The following DIP2C variants were observed in gnomAD, a reference collection of about 807,000 sequenced individuals.
DIP2C encodes the protein DIP2 acetate--CoA ligase C (putative).
A neutral mutation model predicts 192.4 loss-of-function variants in DIP2C; 33 were observed. That is an observed-to-expected ratio of 0.17 (90% CI 0.13 to 0.23). DIP2C has a LOEUF of 0.23. DIP2C is among the 10% of genes least tolerant of loss of function. The probability of loss-of-function intolerance (pLI) is 1.00; values close to 1 mark genes in which losing one functional copy is unlikely to be tolerated. For missense variants in DIP2C, 1,537 were observed against 2,110.1 expected (o/e 0.73, Z 5.32); for synonymous variants, 979 against 864.1 (o/e 1.13, Z -2.33).
chr10:361,815 C>T lies in DIP2C; in HGVS notation c.2794+675G>A, dbSNP rs566944404. On this transcript the variant is annotated intron_variant, in intron 22 of 36. Coordinates refer to ENST00000280886, the MANE Select transcript of DIP2C (RefSeq NM_014974.3). ...CCCTTTCAGAGCACTCCCTGAGGGA[C>T]GATGCCCATGGCTTGAGCGGCTCCC... Among the ~76,000 whole-genome samples, 4 of 152,298 alleles carry T rather than the reference C, an allele frequency of 2.6e-5. No homozygotes were observed. The East Asian group carries it at 7.7e-4, about 29-fold the overall frequency.
At chr10:399,267 T>C in intron 9 of DIP2C, 48 bp from the exon 10 acceptor site, 2 of 1,491,490 alleles carry the variant, frequency 1.3e-6, no homozygotes, top group East Asian at 4.5e-5. Context: ...GGTCCTGGCT[T>C]CCTAAGACGC....
intron 1 of DIP2C, among the ~76,000 whole-genome samples, chr10:600,033 A>G (rs1434019649): frequency 6.6e-6 from 1 of 152,140 alleles, no homozygotes; most frequent in African/African-American, 2.4e-5. Context: ...AGCGGCAAGG[A>G]GGTCTGCACT....
At chr10:379,394 TGACA>T (rs1465028932) in intron 17 of DIP2C, among the ~76,000 whole-genome samples, 3 of 152,198 alleles carry the variant, frequency 2.0e-5, no homozygotes, top group Admixed American at 6.5e-5. Context: ...CTGTTTTGCA[TGACA>T]GACATTCTAT....
rs2130939678 is a variant in DIP2C at position 549,738 on chromosome 10, C to T, written c.86-63208G>A. Among the ~76,000 whole-genome samples the T allele has an allele frequency of 3.9e-5, 6 of 152,296 alleles. 1 individual carries two copies. The South Asian group carries it at 1.2e-3, about 32-fold the overall frequency. On this transcript the variant is annotated intron_variant, in intron 1 of 36. Coordinates refer to ENST00000280886, the MANE Select transcript of DIP2C (RefSeq NM_014974.3). ...CACTTTTCACTCCCTACTCCCGATT[C>T]TTGCCCTGAAAGCTCGCAGCAAGTC...
chr10:666,054 C>T lies in DIP2C; in HGVS notation c.85+23440G>A, dbSNP rs900827031. 4.6e-5 allele frequency: 7 copies of T among 152,318 alleles called. 1 individual carries two copies. The highest frequency in any genetic ancestry group is 4.6e-4 in the Admixed American group (7 of 15,298). 9.4% of individuals were successfully genotyped at this position (152,318 alleles called of 1,614,324 possible). ...GCAGCACCCTGGAAAGGCCCAGGTC[C>T]CGCAGCTCTCCCTCCACGCGTGGCT... On this transcript the variant is annotated intron_variant, in intron 1 of 36. Transcript: ENST00000280886. The surrounding 1 kb of genome is among the most constrained non-coding windows in gnomAD (Gnocchi z 4.1).
intron 2 of DIP2C, 99 bp downstream of exon 2, chr10:486,360 C>A (rs1412648852): frequency 8.3e-7 from 1 of 1,204,722 alleles, no homozygotes; most frequent in Non-Finnish European, 1.1e-6. Flanking sequence ...CTCCTCCTGC[C>A]GACTGGGAAG....
intron 3 of DIP2C, among the ~76,000 whole-genome samples, chr10:457,010 C>T (rs776794730): frequency 6.6e-6 from 1 of 152,174 alleles, no homozygotes. Flanking sequence ...TCTAGCATTG[C>T]CTTTTGATTC....
intron 18 of DIP2C, among the ~76,000 whole-genome samples, chr10:368,694 C>A (rs547701290): frequency 6.6e-6 from 1 of 152,232 alleles, no homozygotes; most frequent in Non-Finnish European, 1.5e-5. Context: ...CCTGACCTGG[C>A]GCCCTGCACC....
chr10:416,677 G>T (rs1311736856), intron 6 of DIP2C, among the ~76,000 whole-genome samples: 2 of 152,156 alleles, frequency 1.3e-5, no homozygotes, highest in African/African-American at 4.8e-5. Flanking sequence ...TTTGATCAAT[G>T]AAAGAGTCAA....
intron 31 of DIP2C, among the ~76,000 whole-genome samples, chr10:317,990 G>A (rs966944798): frequency 2.6e-5 from 4 of 152,218 alleles, no homozygotes; most frequent in Non-Finnish European, 4.4e-5. Context: ...GTTTGATGAC[G>A]GTCATGGTAA....
intron 4 of DIP2C, among the ~76,000 whole-genome samples, chr10:424,345 A>T (rs1966423003): frequency 7.1e-6 from 1 of 141,460 alleles, no homozygotes; most frequent in East Asian, 2.0e-4. Flanking sequence ...AAAATTCTCT[A>T]TCACCTTGGG....
Position 617,493 on chromosome 10 carries a change from CCTT to C in DIP2C, c.85+71998_85+72000del, listed in dbSNP as rs1171487539. 4.6e-5 allele frequency among the ~76,000 whole-genome samples: 7 copies of C among 152,264 alleles called. No homozygotes were observed. The East Asian group carries it at 1.2e-3, about 25-fold the overall frequency. ...TAGCCGTGTTGCCCTTGATGGGAAT[CCTT>C]CTATGCACCCTCTGCCACCAGGGCC... is the stretch of plus-strand genomic sequence containing the variant. On this transcript the variant is annotated intron_variant, in intron 1 of 36. Transcript: ENST00000280886.
rs148568889 is a variant in DIP2C, at chr10:451,664, G to A, written c.269-10668C>T. Among the ~76,000 whole-genome samples, 51 of 152,218 alleles carry A rather than the reference G, an allele frequency of 3.4e-4. No homozygotes were observed. The East Asian group carries it at 8.9e-3, about 26-fold the overall frequency. On this transcript the variant is annotated intron_variant, in intron 3 of 36. Transcript: ENST00000280886. ...CATTTCAGGATGACAAGATGACAAC[G>A]TATTGTTTTTTGTTCATTCTCTTCA...
At chr10:444,700 C>T (rs1406674201) in intron 3 of DIP2C, among the ~76,000 whole-genome samples, 1 of 152,224 alleles carries the variant, frequency 6.6e-6, no homozygotes, top group Non-Finnish European at 1.5e-5. Context: ...GCATGGTGTT[C>T]ACTCTCTGCT....
chr10:347,885 C>T (rs12772225), intron 26 of DIP2C, among the ~76,000 whole-genome samples: 569 of 5,622 alleles, frequency 0.1, 46 homozygotes, highest in Non-Finnish European at 0.18. Flanking sequence ...CCCGGAAACC[C>T]CACACGCACC....
At chr10:540,910 A>G (rs1490354905) in intron 1 of DIP2C, among the ~76,000 whole-genome samples, 2 of 152,224 alleles carry the variant, frequency 1.3e-5, no homozygotes, top group African/African-American at 2.4e-5. Context: ...TGCATTAGAC[A>G]CAGCAGCCGT....
chr10:479,174 G>A (rs1003054981), intron 2 of DIP2C, among the ~76,000 whole-genome samples: 3 of 152,074 alleles, frequency 2.0e-5, no homozygotes, highest in African/African-American at 7.2e-5. Context: ...GTGCAATCAA[G>A]GACTTTGCCA....
At chr10:351,574 CTTGA>C (rs1012449431) in intron 24 of DIP2C, among the ~76,000 whole-genome samples, 6 of 152,148 alleles carry the variant, frequency 3.9e-5, no homozygotes, top group Non-Finnish European at 7.4e-5. Flanking sequence ...ACACATTTTC[CTTGA>C]TTATTTCCCC....
At chr10:603,304 A>T (rs1271972251) in intron 1 of DIP2C, among the ~76,000 whole-genome samples, 37 of 56,122 alleles carry the variant, frequency 6.6e-4, no homozygotes, top group Non-Finnish European at 1.5e-3. Context: ...ATCTCAAAAA[A>T]AAAAAAAAAA....
Sources: allele counts gnomAD v4.1 joint callset (sites outside exome capture counted in the v4.1 genomes callset), GRCh38; gene constraint gnomAD v4.1.1; non-coding constraint Gnocchi (gnomAD v3.1); transcripts MANE v1.5; gene names NCBI Gene and HGNC (gene_info 2026-07-23, HGNC 2026-07-21).